Variants in IFNGR2 observed in about 807,000 individuals in gnomAD.
IFNGR2 encodes the protein interferon gamma receptor 2, also known as IFN-gamma receptor 2.
In IFNGR2, 15 loss-of-function variants were observed where a neutral mutation model predicts 41.1. The ratio of observed to expected loss-of-function variants is 0.37; its 90% CI spans 0.24 to 0.56. The LOEUF is 0.56. Ranked by LOEUF, IFNGR2 falls within the 20% of genes least tolerant of loss-of-function variation. IFNGR2 has a pLI of 0.81. For synonymous variants in IFNGR2, 161 were observed against 171.6 expected, an observed-to-expected ratio of 0.94 and a Z score of 0.48; for missense variants, 362 against 415.7, an observed-to-expected ratio of 0.87 and a Z score of 1.12.
In IFNGR2 at chr21:33,406,317, G is replaced by A. The variant is rs372403268; in HGVS notation, c.73+2701G>A. ...CTTGAACCTGGGAGGGGAGGTTGCA[G>A]TGAGCCGAAATCATGCAACTGCACT... On this transcript the variant is annotated intron_variant, in intron 1 of 6. Coordinates refer to ENST00000290219, the MANE Select transcript of IFNGR2 (RefSeq NM_005534.4). Among the ~76,000 whole-genome samples the A allele has an allele frequency of 9.3e-4, 141 of 152,092 alleles. 1 individual carries two copies. The highest frequency in any genetic ancestry group is 3.2e-3 in the African/African-American group (133 of 41,484).
intron 3 of IFNGR2, among the ~76,000 whole-genome samples, chr21:33,424,375 G>GGCACC (rs1370449178): frequency 2.6e-5 from 4 of 152,098 alleles, no homozygotes; most frequent in African/African-American, 9.7e-5. Flanking sequence ...AGGATGTATC[G>GGCACC]TGACAGTGGG....
chr21:33,413,019 C>T lies in IFNGR2; in HGVS notation c.74-1869C>T, dbSNP rs568320989. Among the ~76,000 whole-genome samples, 30 of 152,172 alleles carry T rather than the reference C, an allele frequency of 2.0e-4. 1 individual carries two copies. The East Asian group carries it at 5.0e-3, about 26-fold the overall frequency. On this transcript the variant is annotated intron_variant, in intron 1 of 6. Coordinates refer to ENST00000290219, the MANE Select transcript of IFNGR2 (RefSeq NM_005534.4). ...TTCATTTCTGGCTTTGATGTCTGGG[C>T]GTCAGTTTCCCTGGGGTTAATTATT...
rs10154149 is a variant in IFNGR2 at position 33,411,203 on chromosome 21, C to T, written c.74-3685C>T. On this transcript the variant is annotated intron_variant, in intron 1 of 6. Transcript: ENST00000290219. The stretch of plus-strand genomic sequence containing the variant: ...ACAATGTTGCTTGGGCCATCTCTTA[C>T]ACCTCAGTGAAACGGAAAATGAAGG... Among the ~76,000 whole-genome samples, 83 of 152,350 alleles carry T rather than the reference C, an allele frequency of 5.4e-4. 1 individual carries two copies. The highest frequency in any genetic ancestry group is 1.7e-3 in the Admixed American group (26 of 15,298).
chr21:33,422,630 A>T (rs920312004), intron 3 of IFNGR2, among the ~76,000 whole-genome samples: 3 of 152,126 alleles, frequency 2.0e-5, no homozygotes, highest in Non-Finnish European at 4.4e-5. Flanking sequence ...TAATCCCAGC[A>T]CTTTGGGAGG....
intron 2 of IFNGR2, among the ~76,000 whole-genome samples, chr21:33,420,046 T>A (rs17886052): frequency 0.02 from 3,081 of 152,244 alleles, 106 homozygotes; most frequent in African/African-American, 0.071. Context: ...CCTCTCCCCA[T>A]TAGGGTCTGT....
intron 3 of IFNGR2, among the ~76,000 whole-genome samples, chr21:33,424,455 C>T (rs2012075): frequency 0.88 from 133,547 of 152,188 alleles, 58,753 homozygotes; most frequent in East Asian, 1. Context: ...ACTGGCTGGG[C>T]TGCTGTTCTC....
chr21:33,406,437 A>G (rs2083678317), intron 1 of IFNGR2, among the ~76,000 whole-genome samples: 1 of 152,162 alleles, frequency 6.6e-6, no homozygotes, highest in Non-Finnish European at 1.5e-5. Context: ...CTATTTTGCA[A>G]CTATTTGAAC....
At position 33,437,312 on chromosome 21, in the gene IFNGR2, G is replaced by A; in HGVS notation, c.*350G>A. 1 of 264,832 alleles carries A rather than the reference G, an allele frequency of 3.8e-6. No homozygotes were observed. The highest frequency in any genetic ancestry group is 7.4e-6 in the Non-Finnish European group (1 of 134,780). The allele number at this position is 264,832 out of a possible 1,614,324, so 16.4% of individuals were successfully genotyped here. ...TTGGGCTGAGCAGTCAGAAGACCTG[G>A]TCGTCGTCTTGACTTTGGCAAATGA... On this transcript the variant is annotated 3_prime_UTR_variant, in exon 7 of 7. Coordinates refer to ENST00000290219, the MANE Select transcript of IFNGR2 (RefSeq NM_005534.4).
intron 1 of IFNGR2, among the ~76,000 whole-genome samples, chr21:33,404,713 GGCACCGT>G (rs1243263549): frequency 1.3e-5 from 2 of 152,100 alleles, no homozygotes; most frequent in African/African-American, 4.8e-5. Flanking sequence ...ACAGGCTTGA[GGCACCGT>G]GCCCAGCTGA....
intron 4 of IFNGR2, among the ~76,000 whole-genome samples, chr21:33,431,519 G>A (rs1431823577): frequency 3.3e-5 from 5 of 152,146 alleles, no homozygotes; most frequent in South Asian, 2.1e-4. Context: ...GCAGTGAGCC[G>A]AGGTCGCACC....
At chr21:33,429,737 C>A (rs1253716315) in intron 4 of IFNGR2, among the ~76,000 whole-genome samples, 1 of 152,200 alleles carries the variant, frequency 6.6e-6, no homozygotes, top group Non-Finnish European at 1.5e-5. Flanking sequence ...AAAATTCCGA[C>A]TCCCAGAAGG....
intron 1 of IFNGR2, 82 bp from the exon 2 acceptor site, chr21:33,414,806 T>A (rs1210929867): frequency 6.9e-7 from 1 of 1,441,762 alleles, no homozygotes; most frequent in African/African-American, 1.4e-5. Context: ...ATGACTTAGA[T>A]AATGGACATT....
intron 6 of IFNGR2, 146 bp from the exon 7 acceptor site, chr21:33,436,682 A>C (rs368927165): frequency 6.4e-6 from 4 of 622,128 alleles, no homozygotes; most frequent in East Asian, 5.9e-5. Context: ...AGATCACACC[A>C]CTATACTCCA....
intron 6 of IFNGR2, among the ~76,000 whole-genome samples, chr21:33,434,905 A>G (rs1372728710): frequency 1.3e-5 from 2 of 152,166 alleles, no homozygotes; most frequent in Admixed American, 6.6e-5. Context: ...TTCCTCTGAG[A>G]CATGAACAGA....
chr21:33,423,462 G>A (rs1211938408), intron 3 of IFNGR2, among the ~76,000 whole-genome samples: 3 of 151,578 alleles, frequency 2.0e-5, no homozygotes, highest in Admixed American at 6.6e-5. Context: ...GTGCAGTCTC[G>A]GCTCACTGCA....
chr21:33,414,827 T>C, intron 1 of IFNGR2, 61 bp from the exon 2 acceptor site: 1 of 1,520,598 alleles, frequency 6.6e-7, no homozygotes, highest in Non-Finnish European at 8.9e-7. Flanking sequence ...GAAACATTTT[T>C]GTAATTATTT....
intron 1 of IFNGR2, chr21:33,410,698 ACTCAGGTGATCCGCCCAC>A: frequency 1.6e-6 from 1 of 629,462 alleles, no homozygotes; most frequent in Non-Finnish European, 2.9e-6. Context: ...AAACTCCCAA[ACTCAGGTGATCCGCCCAC>A]CTCAGCCTCC....
At chr21:33,420,713 C>T (rs896704743) in intron 2 of IFNGR2, among the ~76,000 whole-genome samples, 4 of 152,070 alleles carry the variant, frequency 2.6e-5, no homozygotes, top group East Asian at 1.9e-4. Flanking sequence ...GAATAGATAA[C>T]GAACTCTTAC....
chr21:33,410,980 T>G, intron 1 of IFNGR2: 1 of 979,230 alleles, frequency 1.0e-6, no homozygotes, highest in Middle Eastern at 2.1e-4. Context: ...GCCCTGGTGT[T>G]TCCCATCGGG....
Sources: allele counts gnomAD v4.1 joint callset (sites outside exome capture counted in the v4.1 genomes callset), GRCh38; gene constraint gnomAD v4.1.1; transcripts MANE v1.5; gene names NCBI Gene and HGNC (gene_info 2026-07-23, HGNC 2026-07-21).